The following ANXA8 variants were observed in gnomAD, a reference collection of about 807,000 sequenced individuals.
ANXA8 encodes VAC-beta.
In ANXA8, 9 loss-of-function variants were observed where a neutral mutation model predicts 26.8. The observed-to-expected ratio is 0.34, with a 90% CI of 0.20 to 0.59. ANXA8 has a LOEUF of 0.59. Ranked by LOEUF, ANXA8 falls within the 20% of genes least tolerant of loss-of-function variation. ANXA8 has a pLI of 0.84. For synonymous variants in ANXA8, 39 were observed against 94.8 expected (o/e 0.41, Z 3.42); for missense variants, 83 against 238.5 (o/e 0.35, Z 4.29).
At chr10:47,658,213 T>C in the ANXA8 span, among the ~76,000 whole-genome samples, 1 of 151,536 alleles carries the variant, frequency 6.6e-6, no homozygotes, top group East Asian at 1.9e-4. Flanking sequence ...ACTAAAAATA[T>C]AAAAATCAGC....
the ANXA8 span, among the ~76,000 whole-genome samples, chr10:47,741,863 A>C: frequency 7.4e-6 from 1 of 135,538 alleles, no homozygotes. Flanking sequence ...TTTTTGAGAC[A>C]GAGTTTTGCT....
the ANXA8 span, among the ~76,000 whole-genome samples, chr10:47,671,303 T>C: frequency 6.6e-6 from 1 of 151,658 alleles, no homozygotes; most frequent in African/African-American, 2.4e-5. Flanking sequence ...GTGCCTGTAG[T>C]CCTAGCTACT....
At chr10:47,586,231 C>G in the ANXA8 span, among the ~76,000 whole-genome samples, 3 of 145,104 alleles carry the variant, frequency 2.1e-5, no homozygotes, top group African/African-American at 8.5e-5. Context: ...GGGTCCTCAT[C>G]CCCCACCATC....
chr10:47,625,824 A>C, the ANXA8 span, among the ~76,000 whole-genome samples: 1 of 150,396 alleles, frequency 6.6e-6, no homozygotes, highest in South Asian at 2.1e-4. Flanking sequence ...TTTTGAACTT[A>C]CTCCTCCTGG....
the ANXA8 span, among the ~76,000 whole-genome samples, chr10:47,721,221 A>G: frequency 5.6e-5 from 8 of 142,138 alleles, no homozygotes; most frequent in Non-Finnish European, 1.1e-4. Flanking sequence ...CCTCAAAAGT[A>G]TGTATAGGTG....
the ANXA8 span, among the ~76,000 whole-genome samples, chr10:47,950,680 T>C: frequency 4.0e-5 from 6 of 150,824 alleles, no homozygotes; most frequent in Non-Finnish European, 7.4e-5. Flanking sequence ...CAGAAGGATA[T>C]CTAGAAAATC....
chr10:47,736,693 C>T, the ANXA8 span, among the ~76,000 whole-genome samples: 1 of 148,564 alleles, frequency 6.7e-6, no homozygotes, highest in Non-Finnish European at 1.5e-5. Context: ...TTCACTCTGT[C>T]ACCCTGGCTG....
the ANXA8 span, chr10:47,690,932 G>A: frequency 1.2e-6 from 2 of 1,610,992 alleles, no homozygotes; most frequent in African/African-American, 2.7e-5. Flanking sequence ...TCTAATGGAG[G>A]AGATTCTGCT....
the ANXA8 span, among the ~76,000 whole-genome samples, chr10:47,613,313 A>C: frequency 1.4e-5 from 2 of 142,898 alleles, no homozygotes; most frequent in Non-Finnish European, 3.1e-5. Flanking sequence ...CTCAACTGAG[A>C]AGTCTAATAG....
chr10:47,715,174 G>A, the ANXA8 span, among the ~76,000 whole-genome samples: 44 of 12,072 alleles, frequency 3.6e-3, no homozygotes, highest in African/African-American at 0.014. Context: ...GTGGCCCGGC[G>A]CGGAGGCTTA....
At chr10:47,488,595 C>T (rs1840086793), upstream of ANXA8, among the ~76,000 whole-genome samples, 1 of 150,496 alleles carries the variant, frequency 6.6e-6, no homozygotes. Flanking sequence ...GTAAGTCCTT[C>T]ATCTACCTGG....
the ANXA8 span, among the ~76,000 whole-genome samples, chr10:47,667,680 G>A: frequency 1.1e-3 from 166 of 151,732 alleles, no homozygotes; most frequent in Non-Finnish European, 1.8e-3. Flanking sequence ...AGCCTACCCA[G>A]TAGCTGGAAT....
chr10:47,655,683 C>T, the ANXA8 span, among the ~76,000 whole-genome samples: 7 of 151,960 alleles, frequency 4.6e-5, no homozygotes, highest in African/African-American at 7.3e-5. Flanking sequence ...GTAGAGACAA[C>T]GTTCCCAAGT....
the ANXA8 span, among the ~76,000 whole-genome samples, chr10:47,768,891 G>A: frequency 1.3e-5 from 2 of 150,938 alleles, no homozygotes; most frequent in East Asian, 3.9e-4. Flanking sequence ...CACATGACAC[G>A]CCACTGGTAG....
At chr10:47,649,395 G>T in the ANXA8 span, among the ~76,000 whole-genome samples, 8,667 of 150,620 alleles carry the variant, frequency 0.058, 608 homozygotes, top group African/African-American at 0.2. Context: ...TAGATAAATT[G>T]GACTTTATTA....
the ANXA8 span, among the ~76,000 whole-genome samples, chr10:47,560,198 C>T: frequency 6.6e-6 from 1 of 151,658 alleles, no homozygotes; most frequent in South Asian, 2.1e-4. Context: ...CATTTGAATG[C>T]TTCTGTTTGA....
chr10:47,673,323 C>G, the ANXA8 span, among the ~76,000 whole-genome samples: 1 of 151,604 alleles, frequency 6.6e-6, no homozygotes, highest in African/African-American at 2.4e-5. Context: ...TGAGAAAAAT[C>G]CAGCAGAGGC....
At chr10:47,940,870 C>T in the ANXA8 span, among the ~76,000 whole-genome samples, 1 of 136,634 alleles carries the variant, frequency 7.3e-6, no homozygotes, top group Admixed American at 7.4e-5. Context: ...CAGTATATTG[C>T]AAATTAAGCT....
At chr10:47,733,198 T>TTTCTTTC in the ANXA8 span, among the ~76,000 whole-genome samples, 15 of 112,094 alleles carry the variant, frequency 1.3e-4, no homozygotes, top group East Asian at 3.5e-3. Flanking sequence ...TCTTTCTTTC[T>TTTCTTTC]TTCTTTCTTT....
Sources: allele counts gnomAD v4.1 joint callset (sites outside exome capture counted in the v4.1 genomes callset), GRCh38; gene constraint gnomAD v4.1.1; transcripts MANE v1.5; gene names NCBI Gene and HGNC (gene_info 2026-07-23, HGNC 2026-07-21).